The following ATOSA variants were observed in gnomAD, a reference collection of about 807,000 sequenced individuals.
ATOSA encodes atos homolog A.
At chr15:52,697,113 C>G in the ATOSA span, among the ~76,000 whole-genome samples, 2 of 152,164 alleles carry the variant, frequency 1.3e-5, no homozygotes, top group African/African-American at 4.8e-5. Flanking sequence ...TGCTTTATTA[C>G]AAGTCATTCC....
chr15:52,608,970 G>C, the ATOSA span: 17 of 1,611,896 alleles, frequency 1.1e-5, no homozygotes, highest in Non-Finnish European at 1.4e-5. Flanking sequence ...AAATCTGTTT[G>C]TCAATAGTGG....
At chr15:52,657,007 A>G in the ATOSA span, 2 of 152,178 alleles carry the variant, frequency 1.3e-5, no homozygotes, top group Non-Finnish European at 2.9e-5. Context: ...ACATTTTATG[A>G]AAAGTTTTTC....
At chr15:52,608,906 A>C in the ATOSA span, 2 of 1,607,950 alleles carry the variant, frequency 1.2e-6, no homozygotes, top group East Asian at 2.2e-5. Context: ...AGATTGCCAA[A>C]GAATTTTGGA....
At chr15:52,670,262 C>G in the ATOSA span, among the ~76,000 whole-genome samples, 2 of 152,196 alleles carry the variant, frequency 1.3e-5, no homozygotes, top group African/African-American at 4.8e-5. Flanking sequence ...CTGTTCCAAG[C>G]TGTGTATTCT....
the ATOSA span, among the ~76,000 whole-genome samples, chr15:52,618,494 G>C: frequency 2.0e-5 from 3 of 152,182 alleles, no homozygotes; most frequent in African/African-American, 7.2e-5. Context: ...AAGTGGGGAA[G>C]AGGGTGGGGA....
At chr15:52,652,968 G>GA in the ATOSA span, among the ~76,000 whole-genome samples, 1 of 152,182 alleles carries the variant, frequency 6.6e-6, no homozygotes, top group Non-Finnish European at 1.5e-5. Flanking sequence ...CAGATGTGAT[G>GA]AATTATAAAA....
At chr15:52,652,794 T>C in the ATOSA span, among the ~76,000 whole-genome samples, 2 of 152,228 alleles carry the variant, frequency 1.3e-5, no homozygotes, top group African/African-American at 4.8e-5. Context: ...CTTTTTGCTA[T>C]CATAAAATTA....
the ATOSA span, among the ~76,000 whole-genome samples, chr15:52,701,315 T>A: frequency 6.6e-6 from 1 of 152,100 alleles, no homozygotes; most frequent in Admixed American, 6.5e-5. Context: ...GGTCTGAGCC[T>A]GTAATCCCAG....
the ATOSA span, among the ~76,000 whole-genome samples, chr15:52,638,913 T>TA: frequency 1.3e-5 from 2 of 151,858 alleles, no homozygotes; most frequent in Non-Finnish European, 2.9e-5. Flanking sequence ...TTTTAAAAAG[T>TA]AAAAAATGAA....
the ATOSA span, among the ~76,000 whole-genome samples, chr15:52,667,356 C>T: frequency 1.3e-4 from 20 of 152,202 alleles, 1 homozygote; most frequent in East Asian, 3.7e-3. Flanking sequence ...AACTCCATTT[C>T]TGTAAAAGGA....
At chr15:52,585,587 T>C in the ATOSA span, among the ~76,000 whole-genome samples, 1 of 152,204 alleles carries the variant, frequency 6.6e-6, no homozygotes, top group Admixed American at 6.5e-5. Context: ...CATTTACTCA[T>C]ACATGGAATC....
the ATOSA span, among the ~76,000 whole-genome samples, chr15:52,645,962 T>C: frequency 6.6e-6 from 1 of 152,194 alleles, no homozygotes; most frequent in East Asian, 1.9e-4. Context: ...CCAGTGCTGT[T>C]TTTTTCCCCC....
At chr15:52,664,049 G>C in the ATOSA span, among the ~76,000 whole-genome samples, 1 of 152,168 alleles carries the variant, frequency 6.6e-6, no homozygotes, top group Non-Finnish European at 1.5e-5. Flanking sequence ...TCCAAAATTA[G>C]AGTAAGCTGA....
chr15:52,613,891 T>C, the ATOSA span: 1 of 1,571,394 alleles, frequency 6.4e-7, no homozygotes, highest in African/African-American at 1.3e-5. Flanking sequence ...GTCCTCAATT[T>C]AATGTACTCT....
chr15:52,687,906 T>A, the ATOSA span, among the ~76,000 whole-genome samples: 1 of 152,230 alleles, frequency 6.6e-6, no homozygotes, highest in Non-Finnish European at 1.5e-5. Context: ...AGGGACAGCA[T>A]GCTAGCTCTG....
the ATOSA span, among the ~76,000 whole-genome samples, chr15:52,660,512 C>T: frequency 1.3e-5 from 2 of 152,212 alleles, no homozygotes; most frequent in Non-Finnish European, 2.9e-5. Flanking sequence ...TCTCCTTGCT[C>T]TCACTTAGTC....
At chr15:52,697,985 TTTTTTTTG>T in the ATOSA span, among the ~76,000 whole-genome samples, 1 of 126,654 alleles carries the variant, frequency 7.9e-6, no homozygotes, top group East Asian at 2.3e-4. Context: ...TTTTTTTTTT[TTTTTTTTG>T]TGAGACAGAG....
At chr15:52,598,651 T>C in the ATOSA span, 2 of 152,322 alleles carry the variant, frequency 1.3e-5, no homozygotes, top group South Asian at 4.1e-4. Flanking sequence ...ACATCTCTAT[T>C]TCTTAAGTCA....
chr15:52,695,674 G>C, the ATOSA span, among the ~76,000 whole-genome samples: 1 of 152,218 alleles, frequency 6.6e-6, no homozygotes, highest in African/African-American at 2.4e-5. Context: ...AATGGTATGA[G>C]ATATAAGAGG....
Sources: allele counts gnomAD v4.1 joint callset (sites outside exome capture counted in the v4.1 genomes callset), GRCh38; gene constraint gnomAD v4.1.1; transcripts MANE v1.5; gene names NCBI Gene and HGNC (gene_info 2026-07-23, HGNC 2026-07-21).